DNAH9: variants seen among roughly 807,000 people sequenced by gnomAD.
The protein encoded by DNAH9 is dynein axonemal heavy chain 9, also known as DNAH9 variant protein.
In DNAH9, 345 loss-of-function variants were observed where a neutral mutation model predicts 471.6. The observed-to-expected ratio is 0.73, with a 90% CI of 0.67 to 0.80. The LOEUF (loss-of-function observed/expected upper bound fraction) is 0.80, where lower values mean the gene tolerates loss of function less well. Among genes scored for constraint, DNAH9 ranks in the 30% least tolerant of loss-of-function variants. The pLI is 0.00. For synonymous variants in DNAH9, 2,093 were observed against 2,123.6 expected (o/e 0.99, Z 0.40); for missense variants, 5,407 against 5,609.2 (o/e 0.96, Z 1.15).
chr17:11,906,731 G>A (rs1181648014), intron 61 of DNAH9, among the ~76,000 whole-genome samples: 1 of 151,986 alleles, frequency 6.6e-6, no homozygotes, highest in Admixed American at 6.6e-5. Flanking sequence ...TGTGAATGGA[G>A]TTGGAAGCCA....
chr17:11,756,569 T>C lies in DNAH9; in HGVS notation c.6740T>C (p.Val2247Ala). ...CATGCCCTTCCCTGTTGTCTCCAGG[T>C]GCTGACATTGGCCAGCAATGAGAGG... is the stretch of plus-strand genomic sequence containing the variant. ...SLNTVMDDNK[V>A]LTLASNERIP... is the part of the protein sequence containing the mutation. Residue 2247 changes from valine to alanine, a missense_variant and splice_region_variant, in exon 34 of 69, where the codon GTG becomes GCG. Val to Ala is a moderately conservative substitution (Grantham distance 64). Coordinates refer to ENST00000262442, the MANE Select transcript of DNAH9 (RefSeq NM_001372.4). The C allele has an allele frequency of 6.2e-7, 1 of 1,604,138 alleles. No homozygotes were observed. Among genetic ancestry groups the C allele is most frequent in the East Asian group, 2.2e-5 (1 of 44,822 alleles).
At chr17:11,895,207 C>T (rs1233963356) in intron 59 of DNAH9, among the ~76,000 whole-genome samples, 1 of 152,150 alleles carries the variant, frequency 6.6e-6, no homozygotes, top group African/African-American at 2.4e-5. Flanking sequence ...TCAGTAGGTA[C>T]TATGCCTGCA....
At position 11,962,541 on chromosome 17, in the gene DNAH9, T is replaced by C. The variant is rs1261872697; in HGVS notation, c.13233+285T>C. Reference sequence around the variant, plus strand: ...TTTATTAACTCTGTAACTTTAGATATAGTTTCACCTTTCCAGACCTCACCT... The same window carrying C: ...TTTATTAACTCTGTAACTTTAGATACAGTTTCACCTTTCCAGACCTCACCT... On this transcript the variant is annotated intron_variant, in intron 68 of 68. Coordinates refer to ENST00000262442, the MANE Select transcript of DNAH9 (RefSeq NM_001372.4). This position sits in a 1 kb window ranked among gnomAD's most constrained non-coding sequence, Gnocchi z 4.1. Among the ~76,000 whole-genome samples, 5 of 152,346 alleles carry C rather than the reference T, an allele frequency of 3.3e-5. No individual in the cohort carries two copies. The highest frequency in any genetic ancestry group is 1.2e-4 in the African/African-American group (5 of 41,584).
Position 11,810,162 on chromosome 17 carries a change from G to A in DNAH9, c.8584-84G>A, listed in dbSNP as rs984395578. 5.9e-5 allele frequency: 87 copies of A among 1,465,124 alleles called. 1 individual carries two copies. Among genetic ancestry groups the A allele is most frequent in the Non-Finnish European group, 7.7e-5 (84 of 1,094,174 alleles). 90.8% of individuals were successfully genotyped at this position (1,465,124 alleles called of 1,614,324 possible). On this transcript the variant is annotated intron_variant, in intron 44 of 68. Transcript: ENST00000262442. ...TTCCCATTCAAGCAGAGAAGAAAAC[G>A]GTTCCATTTCTAAAGAATGGGTTGG...
At position 11,930,155 on chromosome 17, in the gene DNAH9, G is replaced by GT. The variant is rs961045542; in HGVS notation, c.12105+63dup. 2.2e-5 allele frequency: 31 copies of GT among 1,413,732 alleles called. No individual in the cohort carries two copies. In the African/African-American group the frequency reaches 4.1e-4, roughly 19 times the overall value. The allele number at this position is 1,413,732 out of a possible 1,614,324, so 87.6% of individuals were successfully genotyped here. On this transcript the variant is annotated intron_variant, in intron 63 of 68. Transcript: ENST00000262442. ...CCTCACAGTCAGCTGATGCAAACTGGTGGGGGGAGAGCATGCAACTCAGAA... is the reference window on the plus strand; with the variant it reads ...CCTCACAGTCAGCTGATGCAAACTGGTTGGGGGGAGAGCATGCAACTCAGAA...
intron 38 of DNAH9, among the ~76,000 whole-genome samples, chr17:11,778,533 T>C (rs1968550463): frequency 6.6e-6 from 1 of 151,816 alleles, no homozygotes; most frequent in Admixed American, 6.6e-5. Flanking sequence ...CGTGATCCAA[T>C]TTACATTTTA....
chr17:11,725,105 G>T (rs2075129512), intron 27 of DNAH9, among the ~76,000 whole-genome samples: 1 of 152,248 alleles, frequency 6.6e-6, no homozygotes, highest in South Asian at 2.1e-4. Context: ...TAATGCAGGT[G>T]ATGGGAAGCA....
intron 51 of DNAH9, among the ~76,000 whole-genome samples, chr17:11,870,071 G>A (rs149525757): frequency 9.2e-5 from 14 of 152,254 alleles, no homozygotes; most frequent in East Asian, 3.9e-4. Flanking sequence ...CAGGGTAGTC[G>A]GACGTCTTAC....
At chr17:11,629,353 G>A in intron 6 of DNAH9, 64 bp from the exon 7 acceptor site, 1 of 1,446,340 alleles carries the variant, frequency 6.9e-7, no homozygotes, top group East Asian at 2.3e-5. Context: ...GCGGTGTTTG[G>A]TTTTTTGTCC....
intron 67 of DNAH9, among the ~76,000 whole-genome samples, chr17:11,948,604 G>A (rs996371660): frequency 2.0e-5 from 3 of 152,092 alleles, no homozygotes; most frequent in Non-Finnish European, 4.4e-5. Flanking sequence ...GCCGTGCTAT[G>A]GCCCTTTCAT....
At chr17:11,908,722 A>C (rs1973687636) in intron 61 of DNAH9, among the ~76,000 whole-genome samples, 1 of 152,274 alleles carries the variant, frequency 6.6e-6, no homozygotes, top group African/African-American at 2.4e-5. Context: ...TTAATGAAAC[A>C]GTCCAAGGGG....
intron 50 of DNAH9, among the ~76,000 whole-genome samples, chr17:11,862,614 G>A (rs368340876): frequency 7.2e-5 from 11 of 152,028 alleles, no homozygotes; most frequent in South Asian, 2.1e-4. Context: ...CTTGGGCAGT[G>A]TGGCCATTTT....
intron 48 of DNAH9, among the ~76,000 whole-genome samples, chr17:11,824,747 A>G (rs999442865): frequency 2.0e-5 from 3 of 152,028 alleles, no homozygotes; most frequent in African/African-American, 7.2e-5. Flanking sequence ...GCATCCTATT[A>G]CTATTTTATT....
At chr17:11,750,086 G>C (rs921187666) in intron 32 of DNAH9, among the ~76,000 whole-genome samples, 1 of 152,022 alleles carries the variant, frequency 6.6e-6, no homozygotes, top group African/African-American at 2.4e-5. Context: ...ATAATCACAA[G>C]TCTGTGTTCA....
chr17:11,840,090 C>T (rs1470464862), intron 49 of DNAH9, among the ~76,000 whole-genome samples: 2 of 152,222 alleles, frequency 1.3e-5, no homozygotes, highest in African/African-American at 2.4e-5. Context: ...ATGAAATCAA[C>T]ACCTCATAGA....
At position 11,934,483 on chromosome 17, in the gene DNAH9, G is replaced by T. The variant is rs537907468; in HGVS notation, c.12489+412G>T. On this transcript the variant is annotated intron_variant, in intron 65 of 68. Transcript: ENST00000262442. The stretch of plus-strand genomic sequence containing the variant: ...TTTTTTGAGATGGAGTCTTGCTCTG[G>T]CGCCCAGGCTGGAGTGCAGTGGCGC... Among the ~76,000 whole-genome samples, 89 of 128,502 alleles carry T rather than the reference G, an allele frequency of 6.9e-4. 1 individual carries two copies. Among genetic ancestry groups the T allele is most frequent in the African/African-American group, 2.4e-3 (80 of 33,952 alleles). 84.3% of individuals were successfully genotyped at this position (128,502 alleles called of 152,430 possible).
chr17:11,666,979 T>G (rs150732448), intron 15 of DNAH9, among the ~76,000 whole-genome samples: 1,642 of 152,256 alleles, frequency 0.011, 34 homozygotes, highest in African/African-American at 0.038. Context: ...TCCCACTCCA[T>G]AGAGAAATGT....
chr17:11,683,393 C>T (rs1289091434), intron 19 of DNAH9, among the ~76,000 whole-genome samples: 1 of 152,144 alleles, frequency 6.6e-6, no homozygotes, highest in East Asian at 1.9e-4. Context: ...AGACTGGTCC[C>T]GAACTCCTGA....
At chr17:11,844,438 C>T (rs564984004) in intron 49 of DNAH9, among the ~76,000 whole-genome samples, 3 of 152,276 alleles carry the variant, frequency 2.0e-5, no homozygotes, top group African/African-American at 7.2e-5. Flanking sequence ...CAGAGTCTCA[C>T]TCTGTCACCC....
Sources: allele counts gnomAD v4.1 joint callset (sites outside exome capture counted in the v4.1 genomes callset), GRCh38; gene constraint gnomAD v4.1.1; non-coding constraint Gnocchi (gnomAD v3.1); transcripts MANE v1.5; gene names NCBI Gene and HGNC (gene_info 2026-07-23, HGNC 2026-07-21).